The following NOTCH1 variants were observed in gnomAD, a reference collection of about 807,000 sequenced individuals.
The protein encoded by NOTCH1 is neurogenic locus notch homolog protein 1.
A neutral mutation model predicts 254.8 loss-of-function variants in NOTCH1; 37 were observed. The observed-to-expected ratio is 0.15, with a 90% CI of 0.11 to 0.19. The LOEUF is 0.19. NOTCH1 is among the 10% of genes least tolerant of loss of function. NOTCH1 has a pLI of 1.00. For synonymous variants in NOTCH1, 1,731 were observed against 1,618.1 expected, an observed-to-expected ratio of 1.07 and a Z score of -1.68; for missense variants, 2,972 against 3,708.6, an observed-to-expected ratio of 0.80 and a Z score of 5.16.
chr9:136,505,971 C>T, intron 24 of NOTCH1, 90 bp from the exon 25 acceptor site: 1 of 1,185,066 alleles, frequency 8.4e-7, no homozygotes, highest in Non-Finnish European at 1.2e-6. Flanking sequence ...AGCAGTGCCA[C>T]CGCTCTCCTC....
chr9:136,515,660 G>A lies in NOTCH1; in HGVS notation c.1726C>T (p.His576Tyr), dbSNP rs1409484433. ...ACGCCGTCCTTGCAGGAGCCGTAGT[G>A]GCAGGGGTCGGGGTCGCACTCATCG... ...DIDECDPDPC[H>Y]YGSCKDGVAT... The change falls in exon 11 of 34, where the codon CAC becomes TAC. Residue 576 changes from histidine (H) to tyrosine (Y), a missense_variant. Transcript: ENST00000651671. The A allele has an allele frequency of 1.3e-6, 2 of 1,579,828 alleles. No individual in the cohort carries two copies. Among genetic ancestry groups the A allele is most frequent in the Non-Finnish European group, 1.7e-6 (2 of 1,167,300 alleles).
At chr9:136,533,001 C>A (rs1017586504) in intron 2 of NOTCH1, among the ~76,000 whole-genome samples, 1 of 152,226 alleles carries the variant, frequency 6.6e-6, no homozygotes, top group African/African-American at 2.4e-5. Flanking sequence ...GCCCGTCCAC[C>A]AGAGAGCTGC....
chr9:136,507,215 T>G, intron 22 of NOTCH1, 90 bp downstream of exon 22: 1 of 1,599,408 alleles, frequency 6.3e-7, no homozygotes, highest in African/African-American at 1.3e-5. Context: ...GGCTGGTTCC[T>G]GGATGCCTCT....
intron 3 of NOTCH1, among the ~76,000 whole-genome samples, chr9:136,523,516 A>G (rs1321631692): frequency 6.6e-6 from 1 of 152,222 alleles, no homozygotes; most frequent in Non-Finnish European, 1.5e-5. Flanking sequence ...AAGCGGGGAC[A>G]GCAAGAGTTG....
Position 136,518,784 on chromosome 9 carries a change from C to T in NOTCH1, c.906G>A (p.Met302Ile), listed in dbSNP as rs2133371506. Reference protein sequence around the residue: ...CTEDVDECQLMPNACQNGGTC... With the variant: ...CTEDVDECQLIPNACQNGGTC... ...TCCCGCCGTTCTGGCAGGCATTTGGCATCAGCTGGCACTCGTCCACATCCT... is the reference window on the plus strand; with the variant it reads ...TCCCGCCGTTCTGGCAGGCATTTGGTATCAGCTGGCACTCGTCCACATCCT... The change falls in exon 6 of 34, where the codon ATG becomes ATA. Residue 302 changes from methionine to isoleucine, a missense_variant. This residue lies in a region of NOTCH1 where 374 missense variants were observed against 496.3 expected (regional missense o/e 0.75). Coordinates refer to ENST00000651671, the MANE Select transcript of NOTCH1 (RefSeq NM_017617.5). 1.2e-6 allele frequency: 2 copies of T among 1,612,870 alleles called. No individual in the cohort carries two copies. The highest frequency in any genetic ancestry group is 1.7e-6 in the Non-Finnish European group (2 of 1,179,984).
chr9:136,523,294 G>A, intron 3 of NOTCH1, 106 bp from the exon 4 acceptor site: 1 of 1,159,708 alleles, frequency 8.6e-7, no homozygotes, highest in South Asian at 1.3e-5. Flanking sequence ...CTCCACCTTA[G>A]GTGCTATCAC....
rs750343894 is a variant in NOTCH1 at position 136,508,227 on chromosome 9, G to A, written c.3325+5C>T. 1 of 1,611,196 alleles carries A rather than the reference G, an allele frequency of 6.2e-7. No homozygotes were observed. The highest frequency in any genetic ancestry group is 8.5e-7 in the Non-Finnish European group (1 of 1,179,286). ...GACCCGAGCTGGGTGGGCACAGCAG[G>A]TTACCTTGTCGCTGCGCAGCCACCT... is the stretch of plus-strand genomic sequence containing the variant. On this transcript the variant is annotated splice_donor_5th_base_variant and intron_variant, in intron 20 of 33. Coordinates refer to ENST00000651671, the MANE Select transcript of NOTCH1 (RefSeq NM_017617.5).
At chr9:136,507,243 C>G (rs2133344932) in intron 22 of NOTCH1, 62 bp downstream of exon 22, 1 of 1,611,324 alleles carries the variant, frequency 6.2e-7, no homozygotes, top group South Asian at 1.1e-5. Flanking sequence ...CCCGGGGTGC[C>G]TGCCCTGCCC....
chr9:136,518,131 A>G lies in NOTCH1; in HGVS notation c.1255+6T>C. 6.3e-7 allele frequency: 1 copy of G among 1,582,086 alleles called. No homozygotes were observed. The highest frequency in any genetic ancestry group is 8.6e-7 in the Non-Finnish European group (1 of 1,165,584). On this transcript the variant is annotated splice_donor_region_variant and intron_variant, in intron 7 of 33. Coordinates refer to ENST00000651671, the MANE Select transcript of NOTCH1 (RefSeq NM_017617.5). Reference sequence around the variant, plus strand: ...ACCTGGCCGCACCCCCTGTGCTGGCACCTACCCAGCGAGCACTCATCCACG... The same window carrying G: ...ACCTGGCCGCACCCCCTGTGCTGGCGCCTACCCAGCGAGCACTCATCCACG...
chr9:136,512,315 C>T (rs911063801), intron 15 of NOTCH1, among the ~76,000 whole-genome samples: 4 of 152,180 alleles, frequency 2.6e-5, no homozygotes, highest in African/African-American at 7.2e-5. Flanking sequence ...ACCTCCAGCC[C>T]GGCTGCCTGG....
intron 2 of NOTCH1, among the ~76,000 whole-genome samples, chr9:136,539,713 A>C (rs1261487305): frequency 6.6e-6 from 1 of 152,224 alleles, no homozygotes; most frequent in Non-Finnish European, 1.5e-5. Flanking sequence ...CATAAACAGG[A>C]GGTCCTGTCA....
rs763813522 is a variant in NOTCH1 at position 136,509,985 on chromosome 9, T to C, written c.2741-24A>G. 4 of 1,603,902 alleles carry C rather than the reference T, an allele frequency of 2.5e-6. No homozygotes were observed. In the South Asian group the frequency reaches 3.3e-5, roughly 13 times the overall value. ...GTCTGGGAGAGGACGGAAGGGTGAG[T>C]GTGAGGGGCAGGCACAAACCCACAC... On this transcript the variant is annotated intron_variant, in intron 17 of 33. Transcript: ENST00000651671.
chr9:136,536,940 A>G (rs1843666039), intron 2 of NOTCH1, among the ~76,000 whole-genome samples: 1 of 152,196 alleles, frequency 6.6e-6, no homozygotes, highest in Non-Finnish European at 1.5e-5. Context: ...CCGCGGCCCC[A>G]CTGTGTGCCT....
Position 136,513,626 on chromosome 9 carries a change from C to T in NOTCH1, c.2208-89G>A. 6.8e-7 allele frequency: 1 copy of T among 1,480,208 alleles called. No homozygotes were observed. 91.7% of individuals were successfully genotyped at this position (1,480,208 alleles called of 1,614,324 possible). ...TCCCGGGTCTGCAATGCCCTATGGGCTGGCGGAGGTGCCCATCCACTCAGA... is the reference window on the plus strand; with the variant it reads ...TCCCGGGTCTGCAATGCCCTATGGGTTGGCGGAGGTGCCCATCCACTCAGA... On this transcript the variant is annotated intron_variant, in intron 13 of 33. Transcript: ENST00000651671. The surrounding 1 kb of genome is among the most constrained non-coding windows in gnomAD (Gnocchi z 4.7).
rs757256477 is a variant in NOTCH1 at position 136,505,582 on chromosome 9, G to A, written c.4314C>T (p.Arg1438=). The change falls in exon 25 of 34, where the codon CGC becomes CGT. Residue 1438 remains arginine, a synonymous_variant. Coordinates refer to ENST00000651671, the MANE Select transcript of NOTCH1 (RefSeq NM_017617.5). The part of the protein sequence containing the change: ...LDYSFGGGAG[R]DIPPPLIEEA... Reference sequence around the variant, plus strand: ...CCTCGATCAGCGGCGGGGGGATGTCGCGCCCGGCCCCACCCCCGAAGCTGT... The same window carrying A: ...CCTCGATCAGCGGCGGGGGGATGTCACGCCCGGCCCCACCCCCGAAGCTGT... 60 of 1,610,134 alleles carry A rather than the reference G, an allele frequency of 3.7e-5. 1 individual carries two copies. The highest frequency in any genetic ancestry group is 2.5e-4 in the African/African-American group (19 of 75,014).
chr9:136,512,819 T>C (rs1217463792), intron 15 of NOTCH1, among the ~76,000 whole-genome samples: 2 of 151,966 alleles, frequency 1.3e-5, no homozygotes, highest in Non-Finnish European at 2.9e-5. Context: ...TGCAGGGGCC[T>C]AAGGCACTCA....
Position 136,542,314 on chromosome 9 carries a change from C to T in NOTCH1, c.140+1710G>A, listed in dbSNP as rs370742625. Among the ~76,000 whole-genome samples, 12 of 152,188 alleles carry T rather than the reference C, an allele frequency of 7.9e-5. No individual in the cohort carries two copies. In the East Asian group the frequency reaches 1.2e-3, roughly 15 times the overall value. ...GAGCAAGAAGCTTCTCCCAGAGCCC[C>T]GAATGGGTGAGAGGCAAAGTCCGAG... On this transcript the variant is annotated intron_variant, in intron 2 of 33. Transcript: ENST00000651671.
At chr9:136,511,453 G>A (rs905145856) in intron 15 of NOTCH1, among the ~76,000 whole-genome samples, 182 bp from the exon 16 acceptor site, 1 of 152,118 alleles carries the variant, frequency 6.6e-6, no homozygotes, top group African/African-American at 2.4e-5. Context: ...GGGAGGAGTG[G>A]AGCACAGATG....
At position 136,516,031 on chromosome 9, in the gene NOTCH1, C is replaced by T. The variant is rs767618789; in HGVS notation, c.1619G>A (p.Gly540Asp). The T allele has an allele frequency of 1.2e-5, 20 of 1,612,176 alleles. No individual in the cohort carries two copies. The highest frequency in any genetic ancestry group is 3.3e-5 in the Admixed American group (2 of 59,990). ...DECASTPCKN[G>D]AKCLDGPNTY... ...GTTGGGTCCGTCCAGGCACTTGGCA[C>T]CATTCTTGCAGGGGGTGCTGGCACA... Residue 540 changes from glycine to aspartate, a missense_variant, in exon 10 of 34, where the codon GGT (glycine) becomes GAT (aspartate). Coordinates refer to ENST00000651671, the MANE Select transcript of NOTCH1 (RefSeq NM_017617.5).
Sources: gnomAD v4.1 joint callset for allele counts (sites outside exome capture counted in the v4.1 genomes callset) on GRCh38, gnomAD v4.1.1 for gene constraint, gnomAD v4.1.1 regional missense constraint, Gnocchi (gnomAD v3.1) non-coding constraint, MANE v1.5 for transcripts, NCBI Gene and HGNC (gene_info 2026-07-23, HGNC 2026-07-21) for gene names.